Variants in ZNF365 observed in about 807,000 individuals in gnomAD.
The protein encoded by ZNF365 is protein ZNF365.
A neutral mutation model predicts 35.0 loss-of-function variants in ZNF365; 22 were observed. That is an observed-to-expected ratio of 0.63 (90% CI 0.45 to 0.90). ZNF365 has a LOEUF of 0.90. Ranked by LOEUF, ZNF365 falls within the 40% of genes least tolerant of loss-of-function variation. ZNF365 has a pLI of 0.00. For missense variants in ZNF365, 448 were observed against 500.3 expected (o/e 0.90, Z 1.00); for synonymous variants, 188 against 196.2 (o/e 0.96, Z 0.35).
chr10:62,381,963 C>T (rs1056082399), intron 2 of ZNF365, among the ~76,000 whole-genome samples: 2 of 152,152 alleles, frequency 1.3e-5, no homozygotes, highest in African/African-American at 4.8e-5. Context: ...ATCTAGGTTC[C>T]GACCATGGGA....
intron 3 of ZNF365, among the ~76,000 whole-genome samples, chr10:62,423,476 T>G (rs936556850): frequency 6.6e-6 from 1 of 152,180 alleles, no homozygotes; most frequent in African/African-American, 2.4e-5. Context: ...CAGGAATGAT[T>G]TGGGTACATT....
At chr10:62,385,388 A>G (rs1197037539) in intron 2 of ZNF365, among the ~76,000 whole-genome samples, 4 of 152,212 alleles carry the variant, frequency 2.6e-5, no homozygotes, top group African/African-American at 9.7e-5. Flanking sequence ...ATCAGCATTA[A>G]TATTAATTTT....
intron 4 of ZNF365, among the ~76,000 whole-genome samples, chr10:62,473,979 T>G (rs1432716295): frequency 6.6e-6 from 1 of 152,138 alleles, no homozygotes; most frequent in Non-Finnish European, 1.5e-5. Context: ...TCTTCTCTCC[T>G]CAGGGTCAAG....
intron 2 of ZNF365, among the ~76,000 whole-genome samples, chr10:62,379,878 A>G (rs905094516): frequency 3.3e-5 from 5 of 152,194 alleles, no homozygotes; most frequent in Non-Finnish European, 7.3e-5. Flanking sequence ...ACACTTCCAC[A>G]TGAGCTCCCT....
In ZNF365 at chr10:62,453,834, A is replaced by T. The variant is rs188483776; in HGVS notation, c.925-5907A>T. 3.0e-3 allele frequency among the ~76,000 whole-genome samples: 462 copies of T among 152,350 alleles called. 3 individuals carry two copies. The highest frequency in any genetic ancestry group is 0.01 in the African/African-American group (429 of 41,580). On this transcript the variant is annotated intron_variant, in intron 3 of 4. Coordinates refer to the ZNF365 transcript ENST00000395255. ...ATAGTGAAAACTTGGAAACAATTTA[A>T]ATGTCTAATATTTGGGATATGATTT...
intron 3 of ZNF365, among the ~76,000 whole-genome samples, chr10:62,424,330 T>C (rs985283909): frequency 1.3e-5 from 2 of 152,196 alleles, no homozygotes; most frequent in African/African-American, 4.8e-5. Flanking sequence ...ACCAGTACCA[T>C]GTCCAGCTCT....
intron 2 of ZNF365, among the ~76,000 whole-genome samples, chr10:62,381,093 G>C (rs997940476): frequency 3.3e-5 from 5 of 152,152 alleles, no homozygotes; most frequent in African/African-American, 1.2e-4. Flanking sequence ...TTTGAGAAGT[G>C]CCTCAATATA....
chr10:62,446,650 T>C (rs1392282316), intron 3 of ZNF365, among the ~76,000 whole-genome samples: 1 of 152,174 alleles, frequency 6.6e-6, no homozygotes, highest in Non-Finnish European at 1.5e-5. Context: ...GCTGCAGCTA[T>C]TGAAGAAATG....
chr10:62,377,076 G>C, intron 2 of ZNF365, 140 bp downstream of exon 2: 1 of 1,154,572 alleles, frequency 8.7e-7, no homozygotes, highest in South Asian at 1.6e-5. Context: ...AGTTGAACCA[G>C]GAGGAACAAG....
intron 4 of ZNF365, among the ~76,000 whole-genome samples, chr10:62,474,330 C>T (rs988867298): frequency 1.3e-5 from 2 of 152,122 alleles, no homozygotes; most frequent in Non-Finnish European, 2.9e-5. Context: ...ACTTAGTTTG[C>T]CTTTTGATTT....
chr10:62,455,125 G>T (rs927614703), intron 3 of ZNF365, among the ~76,000 whole-genome samples: 4 of 152,302 alleles, frequency 2.6e-5, no homozygotes, highest in Middle Eastern at 3.4e-3. Flanking sequence ...AACTTGTAAA[G>T]GACAGAAAAA....
intron 4 of ZNF365, among the ~76,000 whole-genome samples, chr10:62,460,321 C>A (rs1840827217): frequency 6.6e-6 from 1 of 152,134 alleles, no homozygotes; most frequent in Non-Finnish European, 1.5e-5. Flanking sequence ...CATTCAAGAC[C>A]CGCAGTGGAT....
At chr10:62,426,793 G>A (rs1692949496) in intron 3 of ZNF365, among the ~76,000 whole-genome samples, 1 of 152,064 alleles carries the variant, frequency 6.6e-6, no homozygotes, top group Admixed American at 6.6e-5. Context: ...TAAGTTAGAG[G>A]AATGTCACCT....
intron 3 of ZNF365, among the ~76,000 whole-genome samples, chr10:62,443,017 C>G (rs899065061): frequency 3.3e-5 from 5 of 152,180 alleles, no homozygotes; most frequent in Non-Finnish European, 7.3e-5. Context: ...CAACAGTGCT[C>G]CCTGCAAGGG....
At chr10:62,462,902 C>A (rs1402462458) in intron 4 of ZNF365, among the ~76,000 whole-genome samples, 1 of 152,162 alleles carries the variant, frequency 6.6e-6, no homozygotes, top group East Asian at 1.9e-4. Flanking sequence ...TCTATCTCTG[C>A]CAGCTTGGGA....
intron 3 of ZNF365, among the ~76,000 whole-genome samples, chr10:62,413,202 A>G (rs1316012339): frequency 6.6e-6 from 1 of 152,148 alleles, no homozygotes; most frequent in African/African-American, 2.4e-5. Flanking sequence ...CTACTGCTCT[A>G]TGATGTGGTT....
intron 3 of ZNF365, among the ~76,000 whole-genome samples, chr10:62,443,595 T>C (rs1233123114): frequency 9.9e-5 from 15 of 152,090 alleles, no homozygotes; most frequent in Admixed American, 9.8e-4. Context: ...ACCTGGGGAG[T>C]TGTTTTTCTT....
At chr10:62,408,909 A>G (rs1349761889) in intron 3 of ZNF365, among the ~76,000 whole-genome samples, 2 of 152,118 alleles carry the variant, frequency 1.3e-5, no homozygotes, top group Admixed American at 1.3e-4. Context: ...AGCAGGGTCA[A>G]GATAGCGTCT....
intron 3 of ZNF365, among the ~76,000 whole-genome samples, chr10:62,446,982 G>A (rs1840600450): frequency 6.6e-6 from 1 of 152,126 alleles, no homozygotes; most frequent in African/African-American, 2.4e-5. Flanking sequence ...AGGACACCCG[G>A]CTTCATTTAG....
Sources: allele counts gnomAD v4.1 joint callset (sites outside exome capture counted in the v4.1 genomes callset), GRCh38; gene constraint gnomAD v4.1.1; transcripts MANE v1.5; gene names NCBI Gene and HGNC (gene_info 2026-07-23, HGNC 2026-07-21).